The following AAK1 variants were observed in gnomAD, a reference collection of about 807,000 sequenced individuals.
AAK1 encodes AP2 associated kinase 1, also known as AP2-associated protein kinase 1.
AAK1 carries 37 observed loss-of-function variants against 116.0 expected under a neutral mutation model. That is an observed-to-expected ratio of 0.32 (90% confidence interval 0.25 to 0.42). The LOEUF is 0.42. AAK1 is among the 10% of genes least tolerant of loss of function. AAK1 has a pLI of 1.00. For synonymous variants in AAK1, 458 were observed against 439.9 expected, an observed-to-expected ratio of 1.04 and a Z score of -0.51; for missense variants, 919 against 1,170.6, an observed-to-expected ratio of 0.79 and a Z score of 3.14.
intron 1 of AAK1, 43 bp from the exon 2 acceptor site, chr2:69,643,317 G>T: frequency 7.5e-7 from 1 of 1,334,580 alleles, no homozygotes; most frequent in Non-Finnish European, 9.5e-7. Context: ...TCAGTAACAC[G>T]CTTAAAAATT....
chr2:69,496,445 A>G (rs1185826425), intron 16 of AAK1, among the ~76,000 whole-genome samples: 4 of 151,976 alleles, frequency 2.6e-5, no homozygotes, highest in Admixed American at 6.6e-5. Flanking sequence ...TGTATTTTTA[A>G]TAAAGACAGG....
Position 69,475,089 on chromosome 2 carries a change from T to A in AAK1, c.*780A>T, listed in dbSNP as rs1161637804. ...CAGTTAACATGAAAAGGAATGGCAA[T>A]ACTTGGGATTTATATAACGTACACA... On this transcript the variant is annotated 3_prime_UTR_variant, in exon 22 of 22. Transcript: ENST00000409085. The A allele has an allele frequency of 1.0e-6, 1 of 984,638 alleles. No individual in the cohort carries two copies. Among genetic ancestry groups the A allele is most frequent in the East Asian group, 1.1e-4 (1 of 8,752 alleles). 61.0% of individuals were successfully genotyped at this position (984,638 alleles called of 1,614,324 possible).
intron 12 of AAK1, among the ~76,000 whole-genome samples, chr2:69,518,542 C>T (rs1214712393): frequency 6.6e-6 from 1 of 151,804 alleles, no homozygotes; most frequent in African/African-American, 2.4e-5. Context: ...CCTCAGCTTC[C>T]CAAGTAGCTG....
chr2:69,479,743 A>C (rs187449864), intron 19 of AAK1, among the ~76,000 whole-genome samples: 3 of 152,270 alleles, frequency 2.0e-5, no homozygotes, highest in Non-Finnish European at 1.5e-5. Flanking sequence ...CAGAAAACCA[A>C]GACAAAAACT....
intron 2 of AAK1, among the ~76,000 whole-genome samples, chr2:69,559,074 T>C (rs1279532163): frequency 6.6e-6 from 1 of 152,144 alleles, no homozygotes; most frequent in Non-Finnish European, 1.5e-5. Flanking sequence ...ACTGTGATAA[T>C]GATTTACCAG....
chr2:69,577,017 A>G (rs758538792), intron 2 of AAK1, among the ~76,000 whole-genome samples: 2 of 152,210 alleles, frequency 1.3e-5, no homozygotes, highest in African/African-American at 4.8e-5. Context: ...CACATCCAAA[A>G]ACAGCACTAT....
intron 2 of AAK1, among the ~76,000 whole-genome samples, chr2:69,614,224 G>A (rs1674215500): frequency 6.6e-6 from 1 of 152,116 alleles, no homozygotes. Context: ...TCCATGACTA[G>A]AGAGAAATAC....
intron 4 of AAK1, among the ~76,000 whole-genome samples, chr2:69,543,436 T>A (rs1670804861): frequency 6.6e-6 from 1 of 152,042 alleles, no homozygotes; most frequent in African/African-American, 2.4e-5. Flanking sequence ...TGAGACAGAG[T>A]CTCACTCTGT....
intron 2 of AAK1, among the ~76,000 whole-genome samples, chr2:69,642,091 G>A (rs747686861): frequency 2.0e-5 from 3 of 152,092 alleles, no homozygotes; most frequent in African/African-American, 4.8e-5. Flanking sequence ...GTATATCTAC[G>A]TGAGTATAGA....
At chr2:69,612,496 G>T (rs573589869) in intron 2 of AAK1, among the ~76,000 whole-genome samples, 1 of 152,218 alleles carries the variant, frequency 6.6e-6, no homozygotes, top group Non-Finnish European at 1.5e-5. Flanking sequence ...AAGATGCTAT[G>T]AGAATGGCAC....
intron 2 of AAK1, among the ~76,000 whole-genome samples, chr2:69,567,700 C>T (rs1396727003): frequency 6.6e-6 from 1 of 152,106 alleles, no homozygotes; most frequent in East Asian, 1.9e-4. Context: ...GGTAGAAAAA[C>T]CCTGCACTGC....
Position 69,462,945 on chromosome 2 carries a change from T to C in AAK1, c.*12924A>G, listed in dbSNP as rs986491482. 1.3e-5 allele frequency: 2 copies of C among 152,260 alleles called. No individual in the cohort carries two copies. The highest frequency in any genetic ancestry group is 4.8e-5 in the African/African-American group (2 of 41,472). The allele number at this position is 152,260 out of a possible 1,614,324, so 9.4% of individuals were successfully genotyped here. A position where few individuals can be genotyped will look rare whatever the true frequency, so the allele number is the denominator to read the frequency against. On this transcript the variant is annotated 3_prime_UTR_variant, in exon 22 of 22. Transcript: ENST00000409085. ...CACCAAAGTGAAGGACATAGGTTTC[T>C]GGCACAGTTGAAACCTTAGTTGGAA...
At chr2:69,497,250 A>G (rs1205410477) in intron 16 of AAK1, among the ~76,000 whole-genome samples, 1 of 148,004 alleles carries the variant, frequency 6.8e-6, no homozygotes, top group Non-Finnish European at 1.5e-5. Context: ...CCTAGTAGCT[A>G]GGATTACAGG....
chr2:69,539,727 C>T (rs1670623757), intron 5 of AAK1, among the ~76,000 whole-genome samples: 1 of 152,242 alleles, frequency 6.6e-6, no homozygotes, highest in Admixed American at 6.5e-5. Context: ...CTCATCCCCA[C>T]ACACCTTGCT....
At chr2:69,535,205 C>A (rs549176456) in intron 5 of AAK1, among the ~76,000 whole-genome samples, 46 of 152,218 alleles carry the variant, frequency 3.0e-4, no homozygotes, top group African/African-American at 1.1e-3. Context: ...AGCTGTTATA[C>A]CATACATTTA....
In AAK1 at chr2:69,460,506, CTAAA is replaced by C. The variant is rs1417975017; in HGVS notation, c.*15359_*15362del. 6.6e-6 allele frequency: 1 copy of C among 152,318 alleles called. No individual in the cohort carries two copies. Among genetic ancestry groups the C allele is most frequent in the Non-Finnish European group, 1.5e-5 (1 of 68,028 alleles). 9.4% of individuals were successfully genotyped at this position (152,318 alleles called of 1,614,324 possible). ...TGATGTACATGTATTCTAAAACTTA[CTAAA>C]TAATGGGCCAGTAAGATACCAGTAT... On this transcript the variant is annotated 3_prime_UTR_variant, in exon 22 of 22. Transcript: ENST00000409085.
At chr2:69,547,264 G>A (rs1207792657) in intron 3 of AAK1, among the ~76,000 whole-genome samples, 1 of 152,138 alleles carries the variant, frequency 6.6e-6, no homozygotes, top group Non-Finnish European at 1.5e-5. Context: ...GCGATAAATT[G>A]CACTTTATTG....
rs537618841 is a variant in AAK1 at position 69,580,950 on chromosome 2, A to G, written c.164-23972T>C. Among the ~76,000 whole-genome samples, 4 of 152,254 alleles carry G rather than the reference A, an allele frequency of 2.6e-5. No homozygotes were observed. The South Asian group carries it at 8.3e-4, about 32-fold the overall frequency. The stretch of plus-strand genomic sequence containing the variant: ...ATATTTAGGGTTGCATTTTGTTACA[A>G]GTTTTTAAACTATGCAAGTTTACAA... On this transcript the variant is annotated intron_variant, in intron 2 of 21. Coordinates refer to ENST00000409085, the MANE Select transcript of AAK1 (RefSeq NM_014911.5).
At chr2:69,499,797 A>G (rs533846901) in intron 16 of AAK1, 3 of 152,260 alleles carry the variant, frequency 2.0e-5, no homozygotes, top group Non-Finnish European at 4.4e-5. Flanking sequence ...TATTTGAAAA[A>G]AATTTATATG....
Sources: allele counts gnomAD v4.1 joint callset (sites outside exome capture counted in the v4.1 genomes callset), GRCh38; gene constraint gnomAD v4.1.1; transcripts MANE v1.5; gene names NCBI Gene and HGNC (gene_info 2026-07-23, HGNC 2026-07-21).